The following GPR176 variants were observed in gnomAD, a reference collection of about 807,000 sequenced individuals.
The protein encoded by GPR176 is G protein-coupled receptor 176.
GPR176 carries 26 observed loss-of-function variants against 35.4 expected under a neutral mutation model. The ratio of observed to expected loss-of-function variants is 0.74; its 90% confidence interval spans 0.54 to 1.02. The LOEUF is 1.02. GPR176 is among the 50% of genes least tolerant of loss of function. The pLI is 0.00. For missense variants in GPR176, 597 were observed against 665.3 expected, an observed-to-expected ratio of 0.90 and a Z score of 1.13; for synonymous variants, 278 against 271.3, an observed-to-expected ratio of 1.02 and a Z score of -0.24.
In GPR176 at chr15:39,869,981, G is replaced by A. The variant is rs2031984021; in HGVS notation, c.172+49874C>T. ...AACAACACACATTTATTCTCTAACAGTTCTGGAGGGCAGAAGTCCAAAATC... is the reference window on the plus strand; with the variant it reads ...AACAACACACATTTATTCTCTAACAATTCTGGAGGGCAGAAGTCCAAAATC... On this transcript the variant is annotated intron_variant, in intron 1 of 2. Transcript: ENST00000561100. 2.6e-5 allele frequency among the ~76,000 whole-genome samples: 4 copies of A among 152,202 alleles called. No individual in the cohort carries two copies. In the South Asian group the frequency reaches 6.2e-4, roughly 24 times the overall value.
chr15:39,883,519 C>T (rs1309292098), intron 1 of GPR176, among the ~76,000 whole-genome samples: 1 of 152,154 alleles, frequency 6.6e-6, no homozygotes, highest in African/African-American at 2.4e-5. Flanking sequence ...CCATCACCTC[C>T]CAAAGTTTCC....
intron 1 of GPR176, among the ~76,000 whole-genome samples, chr15:39,826,904 A>T (rs185736790): frequency 6.6e-6 from 1 of 152,270 alleles, no homozygotes; most frequent in East Asian, 1.9e-4. Flanking sequence ...CAGAATAACA[A>T]TAATAATAAT....
At chr15:39,855,929 T>TC (rs1224259605) in intron 1 of GPR176, among the ~76,000 whole-genome samples, 1 of 152,194 alleles carries the variant, frequency 6.6e-6, no homozygotes, top group Non-Finnish European at 1.5e-5. Flanking sequence ...ATATGTAAAT[T>TC]CATTTAACCT....
At chr15:39,851,675 G>A (rs922784314) in intron 1 of GPR176, among the ~76,000 whole-genome samples, 2 of 152,164 alleles carry the variant, frequency 1.3e-5, no homozygotes, top group African/African-American at 2.4e-5. Flanking sequence ...TCACAAATGC[G>A]AGTCAGTGGG....
intron 1 of GPR176, among the ~76,000 whole-genome samples, chr15:39,848,319 C>T (rs564788484): frequency 1.4e-4 from 22 of 152,122 alleles, no homozygotes; most frequent in Non-Finnish European, 2.5e-4. Context: ...ATGTGTGATG[C>T]GAAAACTTAG....
chr15:39,918,968 G>A (rs1024325311), intron 1 of GPR176, among the ~76,000 whole-genome samples: 2 of 152,186 alleles, frequency 1.3e-5, no homozygotes, highest in African/African-American at 4.8e-5. Flanking sequence ...CCATATCGGG[G>A]ACACAGGAAA....
chr15:39,822,232 G>GGTAT (rs1401766124), intron 1 of GPR176, among the ~76,000 whole-genome samples: 2 of 152,196 alleles, frequency 1.3e-5, no homozygotes, highest in Non-Finnish European at 2.9e-5. Context: ...CAGCTAAGCT[G>GGTAT]TTCCTAAATT....
At chr15:39,906,654 T>A (rs890031930) in intron 1 of GPR176, among the ~76,000 whole-genome samples, 4 of 152,240 alleles carry the variant, frequency 2.6e-5, no homozygotes, top group African/African-American at 9.6e-5. Context: ...GGATTTCCTA[T>A]CAAGAGACCT....
intron 1 of GPR176, among the ~76,000 whole-genome samples, chr15:39,816,227 A>G (rs1428626137): frequency 6.6e-6 from 1 of 152,224 alleles, no homozygotes; most frequent in Admixed American, 6.5e-5. Context: ...TATGGTGACT[A>G]CAGTAAGCAA....
chr15:39,843,258 G>A (rs1359733325), intron 1 of GPR176, among the ~76,000 whole-genome samples: 1 of 152,126 alleles, frequency 6.6e-6, no homozygotes, highest in African/African-American at 2.4e-5. Flanking sequence ...GTAGTGGGGA[G>A]AAGAATGTGA....
At chr15:39,881,765 T>C (rs942193893) in intron 1 of GPR176, among the ~76,000 whole-genome samples, 3 of 152,218 alleles carry the variant, frequency 2.0e-5, no homozygotes, top group African/African-American at 2.4e-5. Flanking sequence ...GTAATGAATA[T>C]AGCAACAAAA....
At chr15:39,857,454 G>A (rs572018264) in intron 1 of GPR176, among the ~76,000 whole-genome samples, 1 of 152,014 alleles carries the variant, frequency 6.6e-6, no homozygotes, top group Admixed American at 6.5e-5. Flanking sequence ...AGGACTGCTT[G>A]AGCCCAGAAG....
chr15:39,910,172 T>C (rs1293488944), intron 1 of GPR176, among the ~76,000 whole-genome samples: 1 of 152,212 alleles, frequency 6.6e-6, no homozygotes, highest in Non-Finnish European at 1.5e-5. Context: ...AGAAATAATG[T>C]GGTATATGTT....
At chr15:39,907,568 TAGCAAG>T (rs1166783678) in intron 1 of GPR176, among the ~76,000 whole-genome samples, 1 of 152,214 alleles carries the variant, frequency 6.6e-6, no homozygotes, top group Non-Finnish European at 1.5e-5. Flanking sequence ...TAATTGACTG[TAGCAAG>T]AGCTGTGTTT....
intron 1 of GPR176, among the ~76,000 whole-genome samples, chr15:39,913,298 A>G (rs1269799987): frequency 6.6e-6 from 1 of 152,200 alleles, no homozygotes; most frequent in Non-Finnish European, 1.5e-5. Flanking sequence ...TAATCCCAGC[A>G]CTTCGGGAAG....
At chr15:39,848,201 C>A (rs2030586809) in intron 1 of GPR176, among the ~76,000 whole-genome samples, 1 of 151,992 alleles carries the variant, frequency 6.6e-6, no homozygotes, top group Admixed American at 6.6e-5. Context: ...CAATAGACTT[C>A]AGAACAAAGA....
chr15:39,857,618 C>T (rs1478598167), intron 1 of GPR176, among the ~76,000 whole-genome samples: 3 of 151,160 alleles, frequency 2.0e-5, no homozygotes, highest in Admixed American at 6.6e-5. Context: ...TGCAGTGAGC[C>T]GTGATTGCAC....
At chr15:39,829,772 G>T (rs1309732111) in intron 1 of GPR176, among the ~76,000 whole-genome samples, 1 of 152,056 alleles carries the variant, frequency 6.6e-6, no homozygotes, top group Non-Finnish European at 1.5e-5. Flanking sequence ...GAGGAAGCCT[G>T]TCCCAAACAG....
intron 1 of GPR176, among the ~76,000 whole-genome samples, chr15:39,821,934 G>T (rs1427808662): frequency 6.6e-6 from 1 of 152,252 alleles, no homozygotes; most frequent in Non-Finnish European, 1.5e-5. Context: ...GGACATGACA[G>T]AAATGTCTGT....
Sources: gnomAD v4.1 joint callset for allele counts (sites outside exome capture counted in the v4.1 genomes callset) on GRCh38, gnomAD v4.1.1 for gene constraint, MANE v1.5 for transcripts, NCBI Gene and HGNC (gene_info 2026-07-23, HGNC 2026-07-21) for gene names.